Variants in TENM4 observed in about 807,000 individuals in gnomAD.
TENM4 encodes the protein teneurin-4.
Under a neutral mutation model 243.3 loss-of-function variants are expected in TENM4, and 82 were observed. The ratio of observed to expected loss-of-function variants is 0.34; its 90% CI spans 0.28 to 0.40. The LOEUF (loss-of-function observed/expected upper bound fraction) is 0.40, where lower values mean the gene tolerates loss of function less well. Among genes scored for constraint, TENM4 ranks in the 10% least tolerant of loss-of-function variants. TENM4 has a pLI of 1.00. For missense variants in TENM4, 3,138 were observed against 3,673.3 expected, an observed-to-expected ratio of 0.85 and a Z score of 3.77; for synonymous variants, 1,412 against 1,456.3, an observed-to-expected ratio of 0.97 and a Z score of 0.69.
At chr11:78,897,757 C>T (rs1008520666) in intron 7 of TENM4, among the ~76,000 whole-genome samples, 1 of 152,254 alleles carries the variant, frequency 6.6e-6, no homozygotes, top group African/African-American at 2.4e-5. Flanking sequence ...CTCTGCAACG[C>T]TCTGGGGCTG....
At chr11:79,055,934 G>A (rs1201677027) in intron 6 of TENM4, among the ~76,000 whole-genome samples, 2 of 152,178 alleles carry the variant, frequency 1.3e-5, no homozygotes, top group Non-Finnish European at 2.9e-5. Context: ...TAGGACTAGT[G>A]ACACAGCCTA....
chr11:79,276,713 A>G (rs544763138), intron 2 of TENM4, among the ~76,000 whole-genome samples: 3 of 152,132 alleles, frequency 2.0e-5, no homozygotes, highest in African/African-American at 7.2e-5. Context: ...TCATCCTTAC[A>G]GGAGACTTTG....
intron 6 of TENM4, chr11:78,924,509 A>G (rs1432703198): frequency 1.3e-5 from 2 of 152,236 alleles, no homozygotes; most frequent in Non-Finnish European, 2.9e-5. Flanking sequence ...ACAGCAGTAC[A>G]TCTTTGGGGA....
At chr11:78,773,561 T>C (rs1020465286) in intron 17 of TENM4, among the ~76,000 whole-genome samples, 2 of 152,180 alleles carry the variant, frequency 1.3e-5, no homozygotes, top group African/African-American at 2.4e-5. Flanking sequence ...GTTATCTAGA[T>C]CAGAGTCAGC....
intron 2 of TENM4, among the ~76,000 whole-genome samples, chr11:79,247,474 CA>C (rs1855539674): frequency 6.7e-6 from 1 of 150,070 alleles, no homozygotes; most frequent in Non-Finnish European, 1.5e-5. Flanking sequence ...AGGCCTTGTG[CA>C]ATGACCTGGA....
At chr11:78,775,210 C>T (rs888606542) in intron 17 of TENM4, among the ~76,000 whole-genome samples, 1 of 152,220 alleles carries the variant, frequency 6.6e-6, no homozygotes, top group South Asian at 2.1e-4. Flanking sequence ...ACCCAGTAAC[C>T]TGTGTAATAT....
At chr11:79,326,144 C>A (rs1856972056) in intron 1 of TENM4, among the ~76,000 whole-genome samples, 1 of 152,186 alleles carries the variant, frequency 6.6e-6, no homozygotes, top group African/African-American at 2.4e-5. Flanking sequence ...AAAAGTCCCA[C>A]CTCTCTGAAG....
chr11:78,960,893 G>A (rs1857306143), intron 6 of TENM4, among the ~76,000 whole-genome samples: 1 of 152,232 alleles, frequency 6.6e-6, no homozygotes, highest in African/African-American at 2.4e-5. Context: ...GAGGCAGGTG[G>A]AGGGGACCAG....
At chr11:79,139,790 T>C in intron 4 of TENM4, among the ~76,000 whole-genome samples, 2 of 119,652 alleles carry the variant, frequency 1.7e-5, no homozygotes, top group East Asian at 4.5e-4. Context: ...ATATATTATA[T>C]TTATATAAAT....
intron 1 of TENM4, among the ~76,000 whole-genome samples, chr11:79,322,760 T>C (rs955253457): frequency 1.3e-5 from 2 of 152,220 alleles, no homozygotes; most frequent in African/African-American, 4.8e-5. Context: ...ACAAGGACAA[T>C]GAAATGTTAT....
intron 1 of TENM4, among the ~76,000 whole-genome samples, chr11:79,368,593 C>G (rs920365372): frequency 3.3e-5 from 5 of 152,174 alleles, no homozygotes; most frequent in Non-Finnish European, 7.3e-5. Flanking sequence ...GTTCTGCAGG[C>G]AATCTGCCTA....
intron 6 of TENM4, among the ~76,000 whole-genome samples, chr11:78,950,491 A>G (rs1488691641): frequency 6.6e-6 from 1 of 152,184 alleles, no homozygotes; most frequent in Non-Finnish European, 1.5e-5. Context: ...TAAGGGAGGC[A>G]GTCTGGTGGG....
chr11:79,151,596 A>T (rs1463087886), intron 3 of TENM4, among the ~76,000 whole-genome samples: 5 of 152,078 alleles, frequency 3.3e-5, no homozygotes, highest in Non-Finnish European at 1.5e-5. Flanking sequence ...GCGCTTTCCG[A>T]GGTTACTAAA....
chr11:79,100,105 G>A (rs1861188405), intron 4 of TENM4, among the ~76,000 whole-genome samples: 1 of 152,084 alleles, frequency 6.6e-6, no homozygotes, highest in Non-Finnish European at 1.5e-5. Flanking sequence ...CCCTGAGCAC[G>A]TTTCCCTGTC....
chr11:79,132,711 A>G (rs1392295036), intron 4 of TENM4, among the ~76,000 whole-genome samples: 1 of 152,212 alleles, frequency 6.6e-6, no homozygotes, highest in Non-Finnish European at 1.5e-5. Context: ...ACCATGAAAA[A>G]AACATGGAAA....
chr11:78,841,438 T>C (rs929469022), intron 12 of TENM4, among the ~76,000 whole-genome samples: 2 of 152,212 alleles, frequency 1.3e-5, no homozygotes, highest in African/African-American at 4.8e-5. Flanking sequence ...AATCCATTTC[T>C]GGAAAGCACT....
intron 26 of TENM4, among the ~76,000 whole-genome samples, chr11:78,709,002 C>T (rs569532736): frequency 7.3e-6 from 1 of 137,062 alleles, no homozygotes; most frequent in African/African-American, 2.9e-5. Context: ...GAGTCTCGTT[C>T]TGTCACCCAG....
At chr11:79,414,518 C>T (rs1449551571) in intron 1 of TENM4, among the ~76,000 whole-genome samples, 1 of 152,178 alleles carries the variant, frequency 6.6e-6, no homozygotes, top group Non-Finnish European at 1.5e-5. Flanking sequence ...AACATGCCAA[C>T]TCAAACTCGA....
intron 2 of TENM4, among the ~76,000 whole-genome samples, chr11:79,295,726 G>A (rs1856438497): frequency 6.6e-6 from 1 of 152,154 alleles, no homozygotes; most frequent in African/African-American, 2.4e-5. Flanking sequence ...TGACCCCAAA[G>A]AAGAGGGCAA....
Sources: allele counts gnomAD v4.1 joint callset (sites outside exome capture counted in the v4.1 genomes callset), GRCh38; gene constraint gnomAD v4.1.1; transcripts MANE v1.5; gene names NCBI Gene and HGNC (gene_info 2026-07-23, HGNC 2026-07-21).